The following JPH3 variants were observed in gnomAD, a reference collection of about 807,000 sequenced individuals.
The protein encoded by JPH3 is junctophilin 3.
In JPH3, 11 loss-of-function variants were observed where a neutral mutation model predicts 59.6. The ratio of observed to expected loss-of-function variants is 0.18; its 90% confidence interval spans 0.12 to 0.31. The LOEUF (loss-of-function observed/expected upper bound fraction) is 0.31. JPH3 is among the 10% of genes least tolerant of loss of function. JPH3 has a pLI of 1.00. For missense variants in JPH3, 1,202 were observed against 1,105.7 expected, an observed-to-expected ratio of 1.09 and a Z score of -1.24; for synonymous variants, 673 against 483.6, an observed-to-expected ratio of 1.39 and a Z score of -5.14.
At chr16:87,676,823 G>C (rs567768270) in intron 2 of JPH3, among the ~76,000 whole-genome samples, 3 of 151,274 alleles carry the variant, frequency 2.0e-5, no homozygotes, top group Non-Finnish European at 4.4e-5. Flanking sequence ...ATCACATGAG[G>C]TCAGGAGTTC....
At chr16:87,680,093 A>G (rs1001438053) in intron 2 of JPH3, among the ~76,000 whole-genome samples, 1 of 152,200 alleles carries the variant, frequency 6.6e-6, no homozygotes, top group African/African-American at 2.4e-5. Flanking sequence ...CCTCCCTTGC[A>G]AAGGCAGGGT....
intron 1 of JPH3, among the ~76,000 whole-genome samples, chr16:87,612,189 T>G (rs1211314661): frequency 6.6e-6 from 1 of 152,174 alleles, no homozygotes; most frequent in Non-Finnish European, 1.5e-5. Flanking sequence ...TAGTGTGTGA[T>G]CGTGGCTCAC....
intron 1 of JPH3, among the ~76,000 whole-genome samples, chr16:87,621,168 A>T (rs1156529106): frequency 6.6e-6 from 1 of 151,938 alleles, no homozygotes; most frequent in Non-Finnish European, 1.5e-5. Flanking sequence ...CAAAAGGAAA[A>T]AGAAAAAGAA....
At chr16:87,655,184 C>T (rs1384598244) in intron 2 of JPH3, among the ~76,000 whole-genome samples, 1 of 152,200 alleles carries the variant, frequency 6.6e-6, no homozygotes, top group African/African-American at 2.4e-5. Context: ...CCGCTGTGGG[C>T]TTCCTGGGCC....
At chr16:87,640,594 T>C (rs1201703186) in intron 1 of JPH3, among the ~76,000 whole-genome samples, 1 of 152,074 alleles carries the variant, frequency 6.6e-6, no homozygotes, top group African/African-American at 2.4e-5. Flanking sequence ...GATTTCACTA[T>C]GTTGGCCAGC....
chr16:87,617,279 T>G (rs1413504609), intron 1 of JPH3, among the ~76,000 whole-genome samples: 2 of 152,146 alleles, frequency 1.3e-5, no homozygotes, highest in Non-Finnish European at 2.9e-5. Flanking sequence ...TTCTTTCTTA[T>G]TGCTGGGCGG....
At position 87,682,307 on chromosome 16, in the gene JPH3, C is replaced by T. The variant is rs570685758; in HGVS notation, c.1161-1835C>T. 9.9e-4 allele frequency among the ~76,000 whole-genome samples: 151 copies of T among 152,246 alleles called. 1 individual carries two copies. The highest frequency in any genetic ancestry group is 3.4e-3 in the African/African-American group (142 of 41,528). On this transcript the variant is annotated intron_variant, in intron 2 of 4. Transcript: ENST00000284262. The stretch of plus-strand genomic sequence containing the variant: ...TCTTTCATGAACAGTGTGTGGTTTC[C>T]AGGCTTAGCCCATGGAGTTGGAGTG...
chr16:87,678,761 G>A lies in JPH3; in HGVS notation c.1161-5381G>A, dbSNP rs1051545204. On this transcript the variant is annotated intron_variant, in intron 2 of 4. Transcript: ENST00000284262. ...CCCCAATCCAACGAAGAGTGCCCTC[G>A]TGAGGCAGAAGAGGAGAGAGACACG... Among the ~76,000 whole-genome samples, 6 of 152,330 alleles carry A rather than the reference G, an allele frequency of 3.9e-5. No individual in the cohort carries two copies. The East Asian group carries it at 5.8e-4, about 15-fold the overall frequency.
chr16:87,638,080 C>T (rs2031817044), intron 1 of JPH3, among the ~76,000 whole-genome samples: 1 of 152,230 alleles, frequency 6.6e-6, no homozygotes, highest in East Asian at 1.9e-4. Flanking sequence ...CCACCATGCC[C>T]TGCTAATTTT....
chr16:87,629,361 C>T (rs3893874), intron 1 of JPH3, among the ~76,000 whole-genome samples: 4 of 151,174 alleles, frequency 2.6e-5, no homozygotes, highest in African/African-American at 9.7e-5. Context: ...GTAAAGATAA[C>T]GTATATTTGA....
chr16:87,662,477 G>C (rs2032736042), intron 2 of JPH3, among the ~76,000 whole-genome samples: 1 of 151,860 alleles, frequency 6.6e-6, no homozygotes, highest in Admixed American at 6.6e-5. Context: ...TTTTGTGGTT[G>C]TTTATAGTGG....
At chr16:87,606,054 G>A (rs1319624751) in intron 1 of JPH3, among the ~76,000 whole-genome samples, 1 of 152,234 alleles carries the variant, frequency 6.6e-6, no homozygotes, top group Non-Finnish European at 1.5e-5. Context: ...GGAAGGGGGT[G>A]ATTATGGCAC....
At position 87,659,374 on chromosome 16, in the gene JPH3, C is replaced by CGGAAA. The variant is rs1362136229; in HGVS notation, c.1160+14339_1160+14340insGGAAA. ...CCTGGGTGACAGAGTAAGACTGTCTCAAAAAAAAAAAAGAAAAAAAAAAAG... is the reference window on the plus strand; with the variant it reads ...CCTGGGTGACAGAGTAAGACTGTCTCGGAAAAAAAAAAAAAAAGAAAAAAAAAAAG... On this transcript the variant is annotated intron_variant, in intron 2 of 4. Transcript: ENST00000284262. Among the ~76,000 whole-genome samples, 14 of 74,548 alleles carry CGGAAA rather than the reference C, an allele frequency of 1.9e-4. 1 individual carries two copies. The highest frequency in any genetic ancestry group is 1.1e-3 in the East Asian group (3 of 2,768). 48.9% of individuals were successfully genotyped at this position (74,548 alleles called of 152,430 possible).
chr16:87,633,200 G>A (rs2031619631), intron 1 of JPH3, among the ~76,000 whole-genome samples: 1 of 152,144 alleles, frequency 6.6e-6, no homozygotes, highest in African/African-American at 2.4e-5. Context: ...TGGGAGAGTT[G>A]ATTGTTCTTT....
intron 1 of JPH3, chr16:87,604,528 C>T (rs982416321): frequency 2.4e-6 from 3 of 1,271,738 alleles, no homozygotes; most frequent in South Asian, 1.5e-5. Context: ...GGTCCTCTGC[C>T]TCCCTCGGGC....
At chr16:87,607,091 C>A (rs1449499525) in intron 1 of JPH3, among the ~76,000 whole-genome samples, 1 of 152,162 alleles carries the variant, frequency 6.6e-6, no homozygotes, top group Non-Finnish European at 1.5e-5. Flanking sequence ...TCTTTCCTCT[C>A]GTTTATATCT....
intron 2 of JPH3, among the ~76,000 whole-genome samples, chr16:87,659,252 C>CT (rs933413312): frequency 5.9e-5 from 9 of 151,902 alleles, no homozygotes. Context: ...TGGCAGGCAC[C>CT]TGTAATCCCA....
At chr16:87,620,373 G>A (rs1421329767) in intron 1 of JPH3, among the ~76,000 whole-genome samples, 3 of 150,330 alleles carry the variant, frequency 2.0e-5, no homozygotes, top group Non-Finnish European at 4.4e-5. Flanking sequence ...AGCGGGGACG[G>A]GGGGCAAAGG....
intron 2 of JPH3, among the ~76,000 whole-genome samples, chr16:87,666,090 TC>T: frequency 7.3e-6 from 1 of 136,638 alleles, no homozygotes; most frequent in African/African-American, 3.0e-5. Flanking sequence ...CTTCTTTTTT[TC>T]TCTTTTTTTT....
Sources: allele counts gnomAD v4.1 joint callset (sites outside exome capture counted in the v4.1 genomes callset), GRCh38; gene constraint gnomAD v4.1.1; transcripts MANE v1.5; gene names NCBI Gene and HGNC (gene_info 2026-07-23, HGNC 2026-07-21).